The following ISYNA1 variants were observed in gnomAD, a reference collection of about 807,000 sequenced individuals.
The protein encoded by ISYNA1 is inositol-3-phosphate synthase 1.
Under a neutral mutation model 50.3 loss-of-function variants are expected in ISYNA1, and 34 were observed. The observed-to-expected ratio is 0.68, with a 90% confidence interval of 0.51 to 0.90. The LOEUF (loss-of-function observed/expected upper bound fraction) is 0.90. ISYNA1 is among the 40% of genes least tolerant of loss of function. The pLI is 0.00. For missense variants in ISYNA1, 718 were observed against 784.8 expected (o/e 0.91, Z 1.02); for synonymous variants, 396 against 349.9 (o/e 1.13, Z -1.47).
In ISYNA1 at chr19:18,434,460, T is replaced by C. The variant is rs1036016706; in HGVS notation, c.*453A>G. 119 of 959,082 alleles carry C rather than the reference T, an allele frequency of 1.2e-4. No individual in the cohort carries two copies. The highest frequency in any genetic ancestry group is 1.5e-4 in the Non-Finnish European group (106 of 703,224). The allele number at this position is 959,082 out of a possible 1,614,324, so 59.4% of individuals were successfully genotyped here. ...TTCTGTATGGACCCTTCCTGCCATT[T>C]GTATTTTGTCCCAGAGAGAAAGGCT... On this transcript the variant is annotated 3_prime_UTR_variant, in exon 11 of 11. Transcript: ENST00000338128.
rs1974127612 is a variant in ISYNA1, at chr19:18,437,844, C to T, written c.120+16G>A. 2.5e-6 allele frequency: 4 copies of T among 1,611,050 alleles called. No individual in the cohort carries two copies. The highest frequency in any genetic ancestry group is 3.4e-6 in the Non-Finnish European group (4 of 1,179,718). On this transcript the variant is annotated intron_variant, in intron 2 of 10. Transcript: ENST00000338128. ...GCTCTCCCCAGCACGCCTCCTTCCT[C>T]AGCCCCCTGGTCCACCTTGAGAACG... is the stretch of plus-strand genomic sequence containing the variant.
In ISYNA1 at chr19:18,435,865, C is replaced by T. The variant is rs750909630; in HGVS notation, c.1032G>A (p.Ser344=). ...CCTTAGAGCGGAACTGCAATGGCGC[C>T]GATAGGTTCTCCCCATCGTTGTTGC... The part of the protein sequence containing the change: ...HLGNNDGENL[S]APLQFRSKEV... The change falls in exon 8 of 11, where the codon TCG becomes TCA. Residue 344 remains serine, a synonymous_variant. Transcript: ENST00000338128. The T allele has an allele frequency of 1.9e-6, 3 of 1,613,940 alleles. No individual in the cohort carries two copies. Among genetic ancestry groups the T allele is most frequent in the African/African-American group, 2.7e-5 (2 of 74,934 alleles).
intron 3 of ISYNA1, chr19:18,437,386 C>A: frequency 8.0e-7 from 1 of 1,243,994 alleles, no homozygotes; most frequent in East Asian, 2.9e-5. Context: ...CAAGCCCTCC[C>A]GCCCCACAGA....
chr19:18,435,212 C>T (rs1386472204), intron 10 of ISYNA1, 54 bp downstream of exon 10: 6 of 1,559,722 alleles, frequency 3.8e-6, no homozygotes, highest in South Asian at 2.2e-5. Flanking sequence ...CTGTGCATAG[C>T]TTAGCCAGGG....
rs770066301 is a variant in ISYNA1, at chr19:18,435,671, G to A, written c.1146C>T (p.Val382=). 1 of 1,611,840 alleles carries A rather than the reference G, an allele frequency of 6.2e-7. No individual in the cohort carries two copies. The highest frequency in any genetic ancestry group is 1.1e-5 in the South Asian group (1 of 90,912). Residue 382 remains valine, a synonymous_variant, in exon 9 of 11, where the codon GTC becomes GTT. Transcript: ENST00000338128. ...CACCCACGTACGGCACATACTTGATGACCACCTGGAGTGCAGCAGGAGTTT... is the reference window on the plus strand; with the variant it reads ...CACCCACGTACGGCACATACTTGATAACCACCTGGAGTGCAGCAGGAGTTT... ...TPGEEPDHCV[V]IKYVPYVGDS...
At chr19:18,435,237 C>CG (rs1973924753) in intron 10 of ISYNA1, 29 bp downstream of exon 10, 1 of 1,599,468 alleles carries the variant, frequency 6.3e-7, no homozygotes. Context: ...ATCTGGGCCC[C>CG]GGGCGGGAAC....
rs558964391 is a variant in ISYNA1, at chr19:18,435,081, G to A, written c.1509C>T (p.Leu503=). The change falls in exon 11 of 11, where the codon CTC becomes CTT. Residue 503 remains leucine, a synonymous_variant. Coordinates refer to ENST00000338128, the MANE Select transcript of ISYNA1 (RefSeq NM_016368.5). ...CTGGGCGCTCCATTTTGTGTTCCAG[G>A]AGCATGTGGTTCTGTGGCGGGAGCC... ...CVGLPPQNHM[L]LEHKMERPGP... is the part of the protein sequence containing the mutation. 1 of 1,613,584 alleles carries A rather than the reference G, an allele frequency of 6.2e-7. No individual in the cohort carries two copies. Among genetic ancestry groups the A allele is most frequent in the South Asian group, 1.1e-5 (1 of 91,082 alleles).
In ISYNA1 at chr19:18,434,761, G is replaced by T. The variant is rs187409267; in HGVS notation, c.*152C>A. 5.3e-5 allele frequency: 35 copies of T among 663,820 alleles called. No individual in the cohort carries two copies. The African/African-American group carries it at 5.9e-4, about 11-fold the overall frequency. The allele number at this position is 663,820 out of a possible 1,614,324, so 41.1% of individuals were successfully genotyped here. A position where few individuals can be genotyped will look rare whatever the true frequency, so the allele number is the denominator to read the frequency against. ...CTGAAGCTGGGCGCTCAAGAGTCGGGGAAGTAGAGGGAGGCAGAGTCAGGT... is the reference window on the plus strand; with the variant it reads ...CTGAAGCTGGGCGCTCAAGAGTCGGTGAAGTAGAGGGAGGCAGAGTCAGGT... On this transcript the variant is annotated 3_prime_UTR_variant, in exon 11 of 11. Coordinates refer to ENST00000338128, the MANE Select transcript of ISYNA1 (RefSeq NM_016368.5).
At position 18,434,412 on chromosome 19, in the gene ISYNA1, G is replaced by A. The variant is rs1453365510; in HGVS notation, c.*501C>T. The stretch of plus-strand genomic sequence containing the variant: ...AGACTCTTACCATTTTATTAAAAAC[G>A]CAAGGACCTCAGAGACGTTCTTTTC... On this transcript the variant is annotated 3_prime_UTR_variant, in exon 11 of 11. Coordinates refer to ENST00000338128, the MANE Select transcript of ISYNA1 (RefSeq NM_016368.5). 30 of 1,270,698 alleles carry A rather than the reference G, an allele frequency of 2.4e-5. No homozygotes were observed. Among genetic ancestry groups the A allele is most frequent in the Admixed American group, 3.2e-5 (1 of 31,738 alleles). 78.7% of individuals were successfully genotyped at this position (1,270,698 alleles called of 1,614,324 possible).
rs1371370809 is a variant in ISYNA1 at position 18,437,552 on chromosome 19, G to A, written c.282+47C>T. The A allele has an allele frequency of 4.4e-6, 4 of 905,498 alleles. No homozygotes were observed. In the South Asian group the frequency reaches 9.9e-5, roughly 22 times the overall value. The allele number at this position is 905,498 out of a possible 1,614,324, so 56.1% of individuals were successfully genotyped here. The stretch of plus-strand genomic sequence containing the variant: ...TGCAGGCTCCCGCCCCCGCCCGCAA[G>A]GACTCCCACCAAGCCTCCCTACCCA... On this transcript the variant is annotated intron_variant, in intron 3 of 10. Transcript: ENST00000338128.
At chr19:18,435,244 G>C in intron 10 of ISYNA1, 22 bp downstream of exon 10, 1 of 1,601,202 alleles carries the variant, frequency 6.2e-7, no homozygotes, top group Non-Finnish European at 8.5e-7. Context: ...CCCCGGGCGG[G>C]AACCTGGAGG....
At chr19:18,436,005 A>G in intron 7 of ISYNA1, 27 bp downstream of exon 7, 1 of 1,612,678 alleles carries the variant, frequency 6.2e-7, no homozygotes, top group Non-Finnish European at 8.5e-7. Context: ...CCCTTCCTGC[A>G]CTCGGCAGCT....
chr19:18,435,418 C>G lies in ISYNA1; in HGVS notation c.1320G>C (p.Val440=). The change falls in exon 10 of 11, where the codon GTG becomes GTC. Residue 440 remains valine (V), a synonymous_variant. Transcript: ENST00000338128. ...LALLTELCQR[V]SFCTDMDPEP... ...CGGGGTCCATGTCAGTGCAGAAGCTCACGCGCTGGCACAGCTCGGTCAGCA... is the reference window on the plus strand; with the variant it reads ...CGGGGTCCATGTCAGTGCAGAAGCTGACGCGCTGGCACAGCTCGGTCAGCA... 6.2e-7 allele frequency: 1 copy of G among 1,610,828 alleles called. No homozygotes were observed. Among genetic ancestry groups the G allele is most frequent in the Non-Finnish European group, 8.5e-7 (1 of 1,179,926 alleles).
In ISYNA1 at chr19:18,435,721, C is replaced by T. The variant is rs764939854; in HGVS notation, c.1140+36G>A. On this transcript the variant is annotated intron_variant, in intron 8 of 10. Transcript: ENST00000338128. ...TGCCCGGGTCCCTGCCACCCCTCGC[C>T]GGGCAACCCCGCGCCCGCGCCCGCG... 8 of 1,610,340 alleles carry T rather than the reference C, an allele frequency of 5.0e-6. No individual in the cohort carries two copies. The Admixed American group carries it at 6.7e-5, about 13-fold the overall frequency.
intron 3 of ISYNA1, 103 bp downstream of exon 3, chr19:18,437,496 A>ACC: frequency 3.9e-6 from 1 of 253,970 alleles, no homozygotes; most frequent in Non-Finnish European, 5.0e-6. Flanking sequence ...CACCCCCTAC[A>ACC]GCCCCCCTGG....
chr19:18,437,919 T>TCGA lies in ISYNA1; in HGVS notation c.60_61insTCG (p.Ala20_Ile21insSer), dbSNP rs1568368057. On this transcript the variant is annotated inframe_insertion, in exon 2 of 11. Transcript: ENST00000338128. Reference sequence around the variant, plus strand: ...GTCCGGTACTCGTATTGCGCCTCGATGGCCTCGGGGCCGTAGACCACGTCC... The same window carrying TCGA: ...GTCCGGTACTCGTATTGCGCCTCGATCGAGGCCTCGGGGCCGTAGACCACGTCC... 1 of 1,611,436 alleles carries TCGA rather than the reference T, an allele frequency of 6.2e-7. No homozygotes were observed. Among genetic ancestry groups the TCGA allele is most frequent in the Non-Finnish European group, 8.5e-7 (1 of 1,179,536 alleles).
chr19:18,436,649 T>G, intron 5 of ISYNA1, 35 bp downstream of exon 5: 2 of 1,584,478 alleles, frequency 1.3e-6, no homozygotes, highest in Non-Finnish European at 1.7e-6. Flanking sequence ...GAAGAACAGG[T>G]GGCAGGAAGC....
intron 5 of ISYNA1, 45 bp downstream of exon 5, chr19:18,436,639 G>C: frequency 1.3e-6 from 2 of 1,589,206 alleles, no homozygotes; most frequent in South Asian, 1.1e-5. Flanking sequence ...ACCAAGTGGC[G>C]AAGAACAGGT....
At chr19:18,436,924 C>T (rs779754659) in intron 4 of ISYNA1, 47 bp from the exon 5 acceptor site, 1 of 1,602,106 alleles carries the variant, frequency 6.2e-7, no homozygotes, top group Admixed American at 1.7e-5. Flanking sequence ...TGGGCCCCTC[C>T]AGACCCCATC....
Sources: allele counts gnomAD v4.1 joint callset, GRCh38; gene constraint gnomAD v4.1.1; transcripts MANE v1.5; gene names NCBI Gene and HGNC (gene_info 2026-07-23, HGNC 2026-07-21).